Variants in ANKRD12 observed in about 807,000 individuals in gnomAD.
ANKRD12 encodes the protein ankyrin repeat domain-containing protein 12.
Under a neutral mutation model 183.4 loss-of-function variants are expected in ANKRD12, and 85 were observed. The ratio of observed to expected loss-of-function variants is 0.46; its 90% CI spans 0.39 to 0.56. The LOEUF (loss-of-function observed/expected upper bound fraction) is 0.56. ANKRD12 is among the 20% of genes least tolerant of loss of function. The pLI is 0.00. For missense variants in ANKRD12, 2,405 were observed against 2,357.1 expected (o/e 1.02, Z -0.42); for synonymous variants, 914 against 800.2 (o/e 1.14, Z -2.40).
intron 8 of ANKRD12, among the ~76,000 whole-genome samples, chr18:9,243,374 C>T (rs2037768532): frequency 6.6e-6 from 1 of 152,158 alleles, no homozygotes; most frequent in African/African-American, 2.4e-5. Flanking sequence ...GGAGACTCTC[C>T]ACAAAACTGC....
chr18:9,201,790 C>T (rs906307671), intron 3 of ANKRD12, among the ~76,000 whole-genome samples: 2 of 149,764 alleles, frequency 1.3e-5, no homozygotes, highest in Non-Finnish European at 3.0e-5. Flanking sequence ...TTCCTCTTAG[C>T]ATTATTAGTA....
intron 1 of ANKRD12, among the ~76,000 whole-genome samples, chr18:9,153,354 A>C (rs1180280159): frequency 6.6e-6 from 1 of 152,180 alleles, no homozygotes; most frequent in Non-Finnish European, 1.5e-5. Flanking sequence ...TTGTTTTCTT[A>C]TCTCTGATGT....
chr18:9,233,106 C>T lies in ANKRD12; in HGVS notation c.943+11107C>T, dbSNP rs866709921. 5.6e-4 allele frequency among the ~76,000 whole-genome samples: 85 copies of T among 152,190 alleles called. 1 individual carries two copies. In the Middle Eastern group the frequency reaches 0.01, roughly 18 times the overall value. ...GCCTCAAGTGATCCACCCACCTCGG[C>T]CTCCCAAAGTGCTGTGATTACAGAT... is the stretch of plus-strand genomic sequence containing the variant. On this transcript the variant is annotated intron_variant, in intron 8 of 12. Transcript: ENST00000262126.
chr18:9,213,659 TATG>T (rs2035930648), intron 6 of ANKRD12, among the ~76,000 whole-genome samples: 1 of 151,916 alleles, frequency 6.6e-6, no homozygotes, highest in Non-Finnish European at 1.5e-5. Context: ...TAGTAGATAT[TATG>T]TTGGATTCTT....
At chr18:9,159,731 G>A (rs894336059) in intron 1 of ANKRD12, among the ~76,000 whole-genome samples, 7 of 151,044 alleles carry the variant, frequency 4.6e-5, no homozygotes, top group South Asian at 2.1e-4. Flanking sequence ...GAGCCACTGC[G>A]CCTGGCCCTT....
chr18:9,245,323 C>T (rs978592903), intron 8 of ANKRD12, among the ~76,000 whole-genome samples: 22 of 151,620 alleles, frequency 1.5e-4, no homozygotes, highest in African/African-American at 5.1e-4. Flanking sequence ...TGGTGGGGCA[C>T]GCGTGTAGTA....
Position 9,249,723 on chromosome 18 carries a change from A to G in ANKRD12, c.944-4488A>G, listed in dbSNP as rs549464687. 3 of 152,222 alleles carry G rather than the reference A, an allele frequency of 2.0e-5. No homozygotes were observed. In the South Asian group the frequency reaches 6.2e-4, roughly 31 times the overall value. The allele number at this position is 152,222 out of a possible 1,614,324, so 9.4% of individuals were successfully genotyped here. ...AACTGGGTGTGATCAATTAGTTGTA[A>G]ACACCATTGCACTTGGACTAACATA... is the stretch of plus-strand genomic sequence containing the variant. On this transcript the variant is annotated intron_variant, in intron 8 of 12. Coordinates refer to ENST00000262126, the MANE Select transcript of ANKRD12 (RefSeq NM_015208.5).
intron 1 of ANKRD12, among the ~76,000 whole-genome samples, chr18:9,144,300 A>T (rs1425506825): frequency 6.6e-6 from 1 of 152,232 alleles, no homozygotes; most frequent in Non-Finnish European, 1.5e-5. Flanking sequence ...CATAATCTTT[A>T]TATATTAGTG....
intron 1 of ANKRD12, among the ~76,000 whole-genome samples, chr18:9,163,324 G>C (rs906252609): frequency 1.3e-5 from 2 of 151,982 alleles, no homozygotes; most frequent in East Asian, 1.9e-4. Context: ...GCTTGTTTTC[G>C]TCAGGTTTGT....
chr18:9,271,233 A>G (rs904080604), intron 10 of ANKRD12, among the ~76,000 whole-genome samples: 1 of 151,962 alleles, frequency 6.6e-6, no homozygotes, highest in African/African-American at 2.4e-5. Context: ...CACTACACCC[A>G]GCTAATTTTT....
At chr18:9,211,124 T>G (rs2035780177) in intron 5 of ANKRD12, among the ~76,000 whole-genome samples, 1 of 152,158 alleles carries the variant, frequency 6.6e-6, no homozygotes, top group African/African-American at 2.4e-5. Context: ...TCTTTCATTT[T>G]CATAGTAAAA....
At chr18:9,243,502 C>T (rs2037775590) in intron 8 of ANKRD12, among the ~76,000 whole-genome samples, 1 of 152,168 alleles carries the variant, frequency 6.6e-6, no homozygotes, top group Non-Finnish European at 1.5e-5. Flanking sequence ...GATCCTCAAA[C>T]ATAAATAATG....
At chr18:9,212,187 C>T (rs1294086508) in intron 6 of ANKRD12, among the ~76,000 whole-genome samples, 1 of 151,956 alleles carries the variant, frequency 6.6e-6, no homozygotes, top group African/African-American at 2.4e-5. Context: ...ATTCAAGTAG[C>T]ATACCAGTAC....
At chr18:9,218,118 T>C (rs1201468984) in intron 7 of ANKRD12, among the ~76,000 whole-genome samples, 4 of 152,198 alleles carry the variant, frequency 2.6e-5, no homozygotes, top group Non-Finnish European at 5.9e-5. Flanking sequence ...ATAATAAAGG[T>C]TTCCCGATTT....
intron 8 of ANKRD12, among the ~76,000 whole-genome samples, chr18:9,229,845 T>C (rs1045139648): frequency 6.6e-6 from 1 of 152,232 alleles, no homozygotes; most frequent in African/African-American, 2.4e-5. Flanking sequence ...TATTATCTTT[T>C]CGATGTGCCA....
intron 2 of ANKRD12, among the ~76,000 whole-genome samples, chr18:9,184,493 AG>A (rs1489533832): frequency 2.6e-5 from 4 of 152,050 alleles, no homozygotes; most frequent in African/African-American, 9.7e-5. Flanking sequence ...CCCAGGCTCA[AG>A]CAATCCTTCC....
chr18:9,183,926 C>T (rs894838239), intron 2 of ANKRD12, among the ~76,000 whole-genome samples: 1 of 151,926 alleles, frequency 6.6e-6, no homozygotes, highest in Non-Finnish European at 1.5e-5. Context: ...TTTCAGTGTA[C>T]AATTTTAATT....
intron 1 of ANKRD12, among the ~76,000 whole-genome samples, chr18:9,139,972 T>C (rs1195911813): frequency 6.6e-6 from 1 of 152,194 alleles, no homozygotes; most frequent in Non-Finnish European, 1.5e-5. Flanking sequence ...TTTACGGAGT[T>C]GTGGAAAGAA....
intron 1 of ANKRD12, among the ~76,000 whole-genome samples, chr18:9,169,446 G>C (rs1178407856): frequency 6.6e-6 from 1 of 152,156 alleles, no homozygotes; most frequent in Non-Finnish European, 1.5e-5. Flanking sequence ...TTGTTGAATT[G>C]ATCGCTTTAC....
Sources: allele counts gnomAD v4.1 joint callset (sites outside exome capture counted in the v4.1 genomes callset), GRCh38; gene constraint gnomAD v4.1.1; transcripts MANE v1.5; gene names NCBI Gene and HGNC (gene_info 2026-07-23, HGNC 2026-07-21).